The following SARDH variants were observed in gnomAD, a reference collection of about 807,000 sequenced individuals.
The protein encoded by SARDH is sarcosine dehydrogenase, mitochondrial.
In SARDH, 95 loss-of-function variants were observed where a neutral mutation model predicts 109.1. The ratio of observed to expected loss-of-function variants is 0.87; its 90% confidence interval spans 0.74 to 1.03. The LOEUF (loss-of-function observed/expected upper bound fraction) is 1.03. Among genes scored for constraint, SARDH ranks in the 50% least tolerant of loss-of-function variants. The pLI is 0.00. For missense variants in SARDH, 1,267 were observed against 1,287.8 expected (o/e 0.98, Z 0.25); for synonymous variants, 572 against 534.8 (o/e 1.07, Z -0.96).
chr9:133,690,864 G>A (rs369578221), intron 15 of SARDH, among the ~76,000 whole-genome samples: 10 of 152,218 alleles, frequency 6.6e-5, no homozygotes, highest in African/African-American at 1.7e-4. Context: ...GCAGTTCTGC[G>A]GCTCACCGGC....
In SARDH at chr9:133,718,857, T is replaced by C; in HGVS notation, c.1020+81A>G. 1 of 1,105,182 alleles carries C rather than the reference T, an allele frequency of 9.0e-7. No individual in the cohort carries two copies. Among genetic ancestry groups the C allele is most frequent in the Non-Finnish European group, 1.4e-6 (1 of 719,266 alleles). 68.5% of individuals were successfully genotyped at this position (1,105,182 alleles called of 1,614,324 possible). A position where few individuals can be genotyped will look rare whatever the true frequency, so the allele number is the denominator to read the frequency against. On this transcript the variant is annotated intron_variant, in intron 7 of 20. Coordinates refer to ENST00000439388, the MANE Select transcript of SARDH (RefSeq NM_001134707.2). This position sits in a 1 kb window ranked among gnomAD's most constrained non-coding sequence, Gnocchi z 4.2. ...GTGCCTCTGAGGAGCTTCAGGAGGA[T>C]GGACTTCCTGAAAGAGGCCCTCTCC...
chr9:133,696,333 C>T lies in SARDH; in HGVS notation c.1697G>A (p.Gly566Glu), dbSNP rs758452628. 5.0e-6 allele frequency: 8 copies of T among 1,614,144 alleles called. No homozygotes were observed. The Admixed American group carries it at 8.3e-5, about 17-fold the overall frequency. ...TIKKECLACR[G>E]AAAVFDMSYF... Reference sequence around the variant, plus strand: ...GGACATGTCAAACACAGCGGCGGCCCCTCTGCAGGCCAGGCACTCCTTCTT... The same window carrying T: ...GGACATGTCAAACACAGCGGCGGCCTCTCTGCAGGCCAGGCACTCCTTCTT... The change falls in exon 14 of 21, where the codon GGG (glycine) becomes GAG (glutamate). Residue 566 changes from glycine to glutamate, a missense_variant. Gly to Glu is a moderately conservative substitution (Grantham distance 98, BLOSUM62 -2). Transcript: ENST00000439388.
chr9:133,703,304 T>A (rs1485155016), intron 12 of SARDH: 2 of 486,924 alleles, frequency 4.1e-6, no homozygotes, highest in African/African-American at 3.9e-5. Flanking sequence ...GCACCCAAGG[T>A]GGGGAACGAC....
At chr9:133,671,038 G>T (rs2797842) in intron 18 of SARDH, among the ~76,000 whole-genome samples, 43,018 of 151,930 alleles carry the variant, frequency 0.28, 6,238 homozygotes, top group East Asian at 0.37. Flanking sequence ...CCCAAGCTGG[G>T]TGCCCAACAC....
intron 17 of SARDH, among the ~76,000 whole-genome samples, chr9:133,676,913 C>A (rs1367347900): frequency 6.6e-6 from 1 of 152,104 alleles, no homozygotes; most frequent in Non-Finnish European, 1.5e-5. Flanking sequence ...CCGAGTTGGG[C>A]GGATCACTTG....
At chr9:133,719,602 C>T (rs1832251226) in intron 6 of SARDH, among the ~76,000 whole-genome samples, 1 of 152,064 alleles carries the variant, frequency 6.6e-6, no homozygotes, top group South Asian at 2.1e-4. Flanking sequence ...TGAGAGGCTC[C>T]AGAAGTGGGG....
intron 13 of SARDH, among the ~76,000 whole-genome samples, chr9:133,698,057 A>C (rs891688651): frequency 6.6e-6 from 1 of 151,544 alleles, no homozygotes; most frequent in Non-Finnish European, 1.5e-5. Flanking sequence ...AACTAATAAA[A>C]TAGTTCAACG....
At chr9:133,698,009 T>TAAAAAAAAAAAAA (rs371381068) in intron 13 of SARDH, among the ~76,000 whole-genome samples, 9 of 95,680 alleles carry the variant, frequency 9.4e-5, no homozygotes, top group Non-Finnish European at 1.9e-4. Flanking sequence ...AGGAATCCAC[T>TAAAAAAAAAAAAA]AAAAAAAAAA....
rs1189355714 is a variant in SARDH, at chr9:133,666,002, G to A, written c.2631+733C>T. ...GCCAGAAAGATGGGAAAAGGAGGTG[G>A]AGGTAGAGACCACCCCTTCCCCTTC... On this transcript the variant is annotated intron_variant, in intron 20 of 20. Transcript: ENST00000439388. The surrounding 1 kb of genome is among the most constrained non-coding windows in gnomAD (Gnocchi z 5.2). Among the ~76,000 whole-genome samples, 1 of 152,220 alleles carries A rather than the reference G, an allele frequency of 6.6e-6. No homozygotes were observed. Among genetic ancestry groups the A allele is most frequent in the Non-Finnish European group, 1.5e-5 (1 of 68,036 alleles).
chr9:133,733,895 C>T lies in SARDH; in HGVS notation c.279G>A (p.Ala93=), dbSNP rs967837813. The change falls in exon 2 of 21, where the codon GCG becomes GCA. Residue 93 remains alanine (A), a synonymous_variant. Transcript: ENST00000439388. ...YHLAKLGMSG[A]VLLERERLTS... The stretch of plus-strand genomic sequence containing the variant: ...TCAGCCGCTCCCGCTCCAGCAGCAC[C>T]GCCCCACTCATGCCCAGCTTGGCCA... The T allele has an allele frequency of 9.2e-6, 14 of 1,527,226 alleles. No homozygotes were observed. Among genetic ancestry groups the T allele is most frequent in the East Asian group, 4.6e-5 (2 of 43,020 alleles). 94.6% of individuals were successfully genotyped at this position (1,527,226 alleles called of 1,614,324 possible). A position where few individuals can be genotyped will look rare whatever the true frequency, so the allele number is the denominator to read the frequency against.
chr9:133,732,296 G>GT, intron 3 of SARDH, 127 bp downstream of exon 3: 1 of 551,658 alleles, frequency 1.8e-6, no homozygotes, highest in South Asian at 3.1e-5. Flanking sequence ...AACCCCCAGC[G>GT]TACCTCCACC....
downstream of SARDH, among the ~76,000 whole-genome samples, chr9:133,661,358 A>G (rs1832411713): frequency 6.7e-6 from 1 of 150,238 alleles, no homozygotes; most frequent in Admixed American, 6.6e-5. Flanking sequence ...AACAACAACA[A>G]CAAAAAAAAA....
chr9:133,663,569 G>T lies in SARDH; in HGVS notation c.*320C>A. 2.9e-6 allele frequency: 1 copy of T among 340,328 alleles called. No individual in the cohort carries two copies. The highest frequency in any genetic ancestry group is 4.8e-5 in the East Asian group (1 of 20,842). The allele number at this position is 340,328 out of a possible 1,614,324, so 21.1% of individuals were successfully genotyped here. A position where few individuals can be genotyped will look rare whatever the true frequency, so the allele number is the denominator to read the frequency against. On this transcript the variant is annotated 3_prime_UTR_variant, in exon 21 of 21. Transcript: ENST00000439388. Reference sequence around the variant, plus strand: ...CCTATTTGCTTCGCTGTTTTCACGTGGGGCTTATCAAGTATTTACTAAGCA... The same window carrying T: ...CCTATTTGCTTCGCTGTTTTCACGTTGGGCTTATCAAGTATTTACTAAGCA...
chr9:133,718,918 C>T lies in SARDH; in HGVS notation c.1020+20G>A, dbSNP rs750586598. 3.8e-6 allele frequency: 6 copies of T among 1,580,108 alleles called. No individual in the cohort carries two copies. The highest frequency in any genetic ancestry group is 5.2e-6 in the Non-Finnish European group (6 of 1,149,400). ...GCAGCCCCAACTCCCTCCCATTATC[C>T]CAGGGCCCTGGCATCTTACCTCCTC... On this transcript the variant is annotated intron_variant, in intron 7 of 20. Coordinates refer to ENST00000439388, the MANE Select transcript of SARDH (RefSeq NM_001134707.2). This position sits in a 1 kb window ranked among gnomAD's most constrained non-coding sequence, Gnocchi z 4.2.
At chr9:133,683,098 G>A (rs746945710) in intron 17 of SARDH, among the ~76,000 whole-genome samples, 32 of 152,208 alleles carry the variant, frequency 2.1e-4, no homozygotes, top group Non-Finnish European at 4.4e-4. Flanking sequence ...CAGAGCCTTT[G>A]GGTCAGCTCA....
rs1204447211 is a variant in SARDH, at chr9:133,704,881, C to T, written c.1554+67G>A. The T allele has an allele frequency of 3.6e-6, 5 of 1,380,370 alleles. No individual in the cohort carries two copies. Among genetic ancestry groups the T allele is most frequent in the African/African-American group, 2.9e-5 (2 of 69,794 alleles). 85.5% of individuals were successfully genotyped at this position (1,380,370 alleles called of 1,614,324 possible). ...CACACGGAGGGGCAAGGACGGGGCA[C>T]GTGGAGGGGCAAGGGGGTTGTCAGG... On this transcript the variant is annotated intron_variant, in intron 12 of 20. Transcript: ENST00000439388. This position sits in a 1 kb window ranked among gnomAD's most constrained non-coding sequence, Gnocchi z 4.5.
At position 133,712,976 on chromosome 9, in the gene SARDH, A is replaced by C; in HGVS notation, c.1237+62T>G. ...CGGTGCTCCTGCGCCCGCCTCCCCC[A>C]GAGCTCTGGGAATGACAGGACCTCC... On this transcript the variant is annotated intron_variant, in intron 9 of 20. Coordinates refer to ENST00000439388, the MANE Select transcript of SARDH (RefSeq NM_001134707.2). The surrounding 1 kb of genome is among the most constrained non-coding windows in gnomAD (Gnocchi z 4.1). 2.0e-6 allele frequency: 3 copies of C among 1,507,858 alleles called. No homozygotes were observed. Among genetic ancestry groups the C allele is most frequent in the Non-Finnish European group, 2.7e-6 (3 of 1,105,124 alleles). 93.4% of individuals were successfully genotyped at this position (1,507,858 alleles called of 1,614,324 possible).
At position 133,663,946 on chromosome 9, in the gene SARDH, C is replaced by T. The variant is rs1339247459; in HGVS notation, c.2700G>A (p.Gln900=). 1 of 1,614,166 alleles carries T rather than the reference C, an allele frequency of 6.2e-7. No individual in the cohort carries two copies. Among genetic ancestry groups the T allele is most frequent in the Admixed American group, 1.7e-5 (1 of 60,028 alleles). Residue 900 remains glutamine, a synonymous_variant, in exon 21 of 21, where the codon CAG becomes CAA. Coordinates refer to ENST00000439388, the MANE Select transcript of SARDH (RefSeq NM_001134707.2). ...GGTCGAAGGGCGACTTCAGGTGAGC[C>T]TGGGCACCATAGGTCACCCCCATTC... ...LERMGVTYGA[Q]AHLKSPFDPN...
chr9:133,697,035 A>G (rs1831311672), intron 13 of SARDH, among the ~76,000 whole-genome samples: 4 of 152,220 alleles, frequency 2.6e-5, no homozygotes, highest in African/African-American at 9.6e-5. Context: ...TGAAAAGATC[A>G]ACAAAATGGA....
Sources: allele counts gnomAD v4.1 joint callset (sites outside exome capture counted in the v4.1 genomes callset), GRCh38; gene constraint gnomAD v4.1.1; non-coding constraint Gnocchi (gnomAD v3.1); transcripts MANE v1.5; gene names NCBI Gene and HGNC (gene_info 2026-07-23, HGNC 2026-07-21).